Variants in MCC observed in about 807,000 individuals in gnomAD.
MCC encodes colorectal mutant cancer protein.
A neutral mutation model predicts 116.2 loss-of-function variants in MCC; 90 were observed. The ratio of observed to expected loss-of-function variants is 0.77; its 90% CI spans 0.65 to 0.92. The LOEUF is 0.92. MCC is among the 40% of genes least tolerant of loss of function. The pLI is 0.00. For synonymous variants in MCC, 578 were observed against 510.5 expected (o/e 1.13, Z -1.78); for missense variants, 1,516 against 1,312.2 (o/e 1.16, Z -2.40).
At position 113,434,932 on chromosome 5, in the gene MCC, G is replaced by C. The variant is rs1399795257; in HGVS notation, c.171-49720C>G. ...TGCTCATTTACATCCTGGATAGAGA[G>C]TCCTTTGGGCTGGCCAGGCCTGCTG... On this transcript the variant is annotated intron_variant, in intron 1 of 18. Transcript: ENST00000408903. The surrounding 1 kb of genome is among the most constrained non-coding windows in gnomAD (Gnocchi z 4.2). The C allele has an allele frequency of 2.7e-6, 4 of 1,485,028 alleles. No homozygotes were observed. The highest frequency in any genetic ancestry group is 3.6e-6 in the Non-Finnish European group (4 of 1,106,664). The allele number at this position is 1,485,028 out of a possible 1,614,324, so 92.0% of individuals were successfully genotyped here. A position where few individuals can be genotyped will look rare whatever the true frequency, so the allele number is the denominator to read the frequency against.
chr5:113,157,004 G>T (rs879282099), intron 3 of MCC, among the ~76,000 whole-genome samples: 6 of 152,170 alleles, frequency 3.9e-5, no homozygotes, highest in East Asian at 1.9e-4. Context: ...TCTCCCAGGG[G>T]TATCTCCTTT....
intron 3 of MCC, among the ~76,000 whole-genome samples, chr5:113,276,756 G>T (rs1040033897): frequency 6.6e-6 from 1 of 151,450 alleles, no homozygotes; most frequent in Non-Finnish European, 1.5e-5. Context: ...CTTCCCGAGT[G>T]GCTGGGCCTA....
intron 2 of MCC, among the ~76,000 whole-genome samples, chr5:113,351,755 A>G (rs1457297683): frequency 6.6e-6 from 1 of 152,180 alleles, no homozygotes. Context: ...CCCTTTTACC[A>G]TGATGTGATT....
intron 9 of MCC, 37 bp from the exon 10 acceptor site, chr5:113,084,227 C>T (rs1273251168): frequency 5.4e-6 from 8 of 1,475,696 alleles, no homozygotes; most frequent in African/African-American, 1.4e-5. Context: ...GAAAACTACA[C>T]ACCACTCCTC....
intron 3 of MCC, among the ~76,000 whole-genome samples, chr5:113,339,408 A>AGTGTCTGT (rs1767952394): frequency 1.6e-5 from 2 of 123,586 alleles, no homozygotes; most frequent in African/African-American, 6.4e-5. Context: ...AGGCTTCCTT[A>AGTGTCTGT]GTGTGTGTGT....
chr5:113,072,284 G>C (rs1211097823), intron 11 of MCC, among the ~76,000 whole-genome samples: 3 of 152,242 alleles, frequency 2.0e-5, no homozygotes, highest in Non-Finnish European at 4.4e-5. Context: ...CAACATGGGA[G>C]ACATCTGGTG....
chr5:113,133,331 T>C (rs950985321), intron 5 of MCC, among the ~76,000 whole-genome samples: 5 of 152,270 alleles, frequency 3.3e-5, no homozygotes, highest in Non-Finnish European at 7.4e-5. Flanking sequence ...ACCAAAATAC[T>C]CTCTATCTTC....
At chr5:113,301,319 G>A (rs190681297) in intron 3 of MCC, among the ~76,000 whole-genome samples, 153 of 152,258 alleles carry the variant, frequency 1.0e-3, no homozygotes, top group Non-Finnish European at 1.9e-3. Flanking sequence ...TACAAAATTA[G>A]CCAGGTGTGG....
At chr5:113,391,851 G>A (rs1220730050) in intron 1 of MCC, among the ~76,000 whole-genome samples, 1 of 152,206 alleles carries the variant, frequency 6.6e-6, no homozygotes, top group Non-Finnish European at 1.5e-5. Context: ...CTGGGCATGG[G>A]TGTGGAGAGG....
intron 14 of MCC, among the ~76,000 whole-genome samples, chr5:113,057,043 C>A (rs992375290): frequency 6.6e-6 from 1 of 151,886 alleles, no homozygotes; most frequent in Non-Finnish European, 1.5e-5. Flanking sequence ...CTAAGGGAGG[C>A]GAGAGAGGGA....
chr5:113,322,065 C>T (rs1413369144), intron 3 of MCC, among the ~76,000 whole-genome samples: 1 of 152,196 alleles, frequency 6.6e-6, no homozygotes, highest in African/African-American at 2.4e-5. Context: ...CTCCTGACCT[C>T]AGGTGATCCA....
At chr5:113,387,192 T>A (rs1244260221) in intron 1 of MCC, among the ~76,000 whole-genome samples, 1 of 152,144 alleles carries the variant, frequency 6.6e-6, no homozygotes, top group Non-Finnish European at 1.5e-5. Flanking sequence ...ACTCATAGCT[T>A]AAGAAAAGTC....
chr5:113,458,198 C>A (rs192712657), intron 1 of MCC, among the ~76,000 whole-genome samples: 5,325 of 152,262 alleles, frequency 0.035, 137 homozygotes, highest in African/African-American at 0.069. Flanking sequence ...TGCAATAAAT[C>A]TTGCTACTGC....
intron 12 of MCC, among the ~76,000 whole-genome samples, chr5:113,069,676 A>C (rs1028581500): frequency 2.0e-5 from 3 of 150,944 alleles, no homozygotes; most frequent in South Asian, 2.1e-4. Context: ...TCACGCCATT[A>C]TCCTGCCTCA....
intron 8 of MCC, among the ~76,000 whole-genome samples, chr5:113,099,520 C>T (rs1416903622): frequency 6.6e-6 from 1 of 152,254 alleles, no homozygotes; most frequent in African/African-American, 2.4e-5. Flanking sequence ...ACGTGCCAGA[C>T]ATCGCCTAAC....
intron 2 of MCC, among the ~76,000 whole-genome samples, chr5:113,345,572 G>A (rs752696035): frequency 1.3e-5 from 2 of 152,252 alleles, no homozygotes; most frequent in Non-Finnish European, 2.9e-5. Flanking sequence ...CAGGGAAAGA[G>A]AGGCTTCGTA....
chr5:113,382,932 C>T (rs1247395574), intron 2 of MCC, among the ~76,000 whole-genome samples: 1 of 152,154 alleles, frequency 6.6e-6, no homozygotes, highest in African/African-American at 2.4e-5. Context: ...CAGTTCAGGA[C>T]ATGTTTTATG....
At chr5:113,483,470 C>G (rs1772431900) in intron 1 of MCC, among the ~76,000 whole-genome samples, 1 of 152,104 alleles carries the variant, frequency 6.6e-6, no homozygotes, top group African/African-American at 2.4e-5. Context: ...AGATATATCA[C>G]TGGGAAAATA....
At position 113,027,207 on chromosome 5, in the gene MCC, T is replaced by A. The variant is rs1235198277; in HGVS notation, c.*95A>T. 2.2e-6 allele frequency: 3 copies of A among 1,354,290 alleles called. No individual in the cohort carries two copies. The African/African-American group carries it at 4.4e-5, about 20-fold the overall frequency. 83.9% of individuals were successfully genotyped at this position (1,354,290 alleles called of 1,614,324 possible). A position where few individuals can be genotyped will look rare whatever the true frequency, so the allele number is the denominator to read the frequency against. ...CCGACCTACCTGCCAGCCTTCCCTT[T>A]CCTCCTCCTCCCAACAAGTACATGG... On this transcript the variant is annotated 3_prime_UTR_variant, in exon 19 of 19. Coordinates refer to ENST00000408903, the MANE Select transcript of MCC (RefSeq NM_001085377.2).
Sources: gnomAD v4.1 joint callset for allele counts (sites outside exome capture counted in the v4.1 genomes callset) on GRCh38, gnomAD v4.1.1 for gene constraint, Gnocchi (gnomAD v3.1) non-coding constraint, MANE v1.5 for transcripts, NCBI Gene and HGNC (gene_info 2026-07-23, HGNC 2026-07-21) for gene names.